Variants in ESF1 observed in about 807,000 individuals in gnomAD.
ESF1 encodes the protein ESF1 nucleolar pre-rRNA processing protein, also known as ESF1 homolog.
A neutral mutation model predicts 92.0 loss-of-function variants in ESF1; 58 were observed. The ratio of observed to expected loss-of-function variants is 0.63; its 90% confidence interval spans 0.51 to 0.78. The LOEUF (loss-of-function observed/expected upper bound fraction) is 0.78, where lower values mean the gene tolerates loss of function less well. ESF1 is among the 30% of genes least tolerant of loss of function. The pLI is 0.00. For synonymous variants in ESF1, 321 were observed against 313.7 expected (o/e 1.02, Z -0.24); for missense variants, 922 against 989.1 (o/e 0.93, Z 0.91).
At chr20:13,726,715 C>T (rs572678069) in intron 11 of ESF1, among the ~76,000 whole-genome samples, 1 of 152,292 alleles carries the variant, frequency 6.6e-6, no homozygotes, top group African/African-American at 2.4e-5. Flanking sequence ...GCAGAGAGCT[C>T]AGCACCTGGT....
intron 13 of ESF1, among the ~76,000 whole-genome samples, chr20:13,716,727 A>G: frequency 8.0e-6 from 1 of 125,576 alleles, no homozygotes; most frequent in Non-Finnish European, 1.6e-5. Context: ...TGCAGGCTTG[A>G]CCTCCTGGAC....
intron 2 of ESF1, among the ~76,000 whole-genome samples, chr20:13,779,642 C>T (rs1038618039): frequency 6.6e-6 from 1 of 152,226 alleles, no homozygotes; most frequent in Non-Finnish European, 1.5e-5. Flanking sequence ...TCAAGTGATT[C>T]TCGTGCCTCA....
At chr20:13,737,120 AAAC>A (rs1464008452) in intron 9 of ESF1, among the ~76,000 whole-genome samples, 2 of 152,236 alleles carry the variant, frequency 1.3e-5, no homozygotes, top group South Asian at 2.1e-4. Flanking sequence ...TGTGACTGAA[AAAC>A]AACTTCATTG....
intron 7 of ESF1, 128 bp from the exon 8 acceptor site, chr20:13,767,052 T>A: frequency 1.3e-6 from 1 of 796,066 alleles, no homozygotes; most frequent in Non-Finnish European, 2.0e-6. Flanking sequence ...TTAAAACAAA[T>A]ACATGAATGA....
chr20:13,772,579 C>A lies in ESF1; in HGVS notation c.1186G>T (p.Glu396Ter), dbSNP rs1600293120. The A allele has an allele frequency of 6.2e-7, 1 of 1,612,778 alleles. No individual in the cohort carries two copies. ...PSEFGKERMK[E>*]EQVQGPVELL... ...TCTACTGGTCCTTGAACTTGCTCTT[C>A]CTTCATCCTCTCCTTTCCAAATTCT... Residue 396 changes from glutamate (E) to a stop codon, truncating the protein, a stop_gained, in exon 5 of 14, where the codon GAA becomes TAA. Coordinates refer to ENST00000617257, the MANE Select transcript of ESF1 (RefSeq NM_001276380.2). LOFTEE classifies it high-confidence loss of function.
intron 9 of ESF1, among the ~76,000 whole-genome samples, chr20:13,736,767 A>C (rs1175638286): frequency 2.0e-5 from 3 of 152,232 alleles, no homozygotes; most frequent in African/African-American, 4.8e-5. Context: ...TAATTCGTGA[A>C]ATGTTTATTC....
At chr20:13,767,992 T>G (rs1436944926) in intron 7 of ESF1, among the ~76,000 whole-genome samples, 1 of 152,218 alleles carries the variant, frequency 6.6e-6, no homozygotes, top group Non-Finnish European at 1.5e-5. Flanking sequence ...AGGACAGATG[T>G]TGATGATACA....
chr20:13,757,797 A>G (rs772829586), intron 9 of ESF1, among the ~76,000 whole-genome samples: 4 of 152,188 alleles, frequency 2.6e-5, no homozygotes, highest in Non-Finnish European at 5.9e-5. Context: ...GGCATTATAT[A>G]TTTCTGAAAT....
intron 8 of ESF1, among the ~76,000 whole-genome samples, chr20:13,766,567 C>T (rs1292769279): frequency 6.6e-6 from 1 of 152,012 alleles, no homozygotes; most frequent in Non-Finnish European, 1.5e-5. Flanking sequence ...TCTAGAAGGC[C>T]ATGCTTGGTT....
At chr20:13,759,653 A>C (rs768617751) in intron 9 of ESF1, 39 bp downstream of exon 9, 2 of 1,562,446 alleles carry the variant, frequency 1.3e-6, no homozygotes, top group South Asian at 1.2e-5. Flanking sequence ...AACATGCTGA[A>C]ATTCGAAAAA....
intron 2 of ESF1, among the ~76,000 whole-genome samples, chr20:13,781,362 T>C (rs1011180993): frequency 6.6e-5 from 10 of 152,212 alleles, no homozygotes; most frequent in East Asian, 1.9e-4. Context: ...TTTTGATATA[T>C]TGGGTTACAT....
At chr20:13,719,938 T>C (rs568359658) in intron 11 of ESF1, among the ~76,000 whole-genome samples, 1 of 152,342 alleles carries the variant, frequency 6.6e-6, no homozygotes, top group South Asian at 2.1e-4. Flanking sequence ...TTTAGTGAAC[T>C]TTCTAGCTCT....
At chr20:13,770,262 A>G (rs1268593380) in intron 6 of ESF1, among the ~76,000 whole-genome samples, 1 of 152,250 alleles carries the variant, frequency 6.6e-6, no homozygotes, top group Non-Finnish European at 1.5e-5. Flanking sequence ...CTGTATAGAT[A>G]GAAATCGTGC....
At chr20:13,747,074 A>G (rs1030765078) in intron 9 of ESF1, among the ~76,000 whole-genome samples, 4 of 152,152 alleles carry the variant, frequency 2.6e-5, no homozygotes, top group Non-Finnish European at 5.9e-5. Context: ...CCTAAGGATG[A>G]AAGGGATCAA....
At chr20:13,759,364 C>T (rs1312046500) in intron 9 of ESF1, among the ~76,000 whole-genome samples, 4 of 152,156 alleles carry the variant, frequency 2.6e-5, no homozygotes, top group Non-Finnish European at 2.9e-5. Context: ...GAAAAGGTCA[C>T]TTAAGAATTA....
chr20:13,750,243 G>A (rs1020868452), intron 9 of ESF1, among the ~76,000 whole-genome samples: 3 of 152,200 alleles, frequency 2.0e-5, no homozygotes, highest in Admixed American at 2.0e-4. Flanking sequence ...AGTGGCTCAC[G>A]CCTGTAATCC....
At chr20:13,774,964 C>T (rs571457233) in intron 4 of ESF1, among the ~76,000 whole-genome samples, 193 bp downstream of exon 4, 1 of 151,896 alleles carries the variant, frequency 6.6e-6, no homozygotes, top group East Asian at 1.9e-4. Flanking sequence ...ATCATATAAC[C>T]TATCAATAAT....
chr20:13,742,361 T>C (rs2050019137), intron 9 of ESF1, among the ~76,000 whole-genome samples: 1 of 152,042 alleles, frequency 6.6e-6, no homozygotes, highest in Non-Finnish European at 1.5e-5. Context: ...TAATCCCAGC[T>C]ACTTGGGAGG....
intron 13 of ESF1, 70 bp from the exon 14 acceptor site, chr20:13,715,237 T>C (rs1167914785): frequency 3.6e-6 from 5 of 1,381,316 alleles, no homozygotes; most frequent in Non-Finnish European, 4.7e-6. Context: ...AGGCCAGAAA[T>C]GGGGCCAAAT....
Sources: gnomAD v4.1 joint callset for allele counts (sites outside exome capture counted in the v4.1 genomes callset) on GRCh38, gnomAD v4.1.1 for gene constraint, MANE v1.5 for transcripts, NCBI Gene and HGNC (gene_info 2026-07-23, HGNC 2026-07-21) for gene names.